DEPDC5: variants seen among roughly 807,000 people sequenced by gnomAD.
The protein encoded by DEPDC5 is DEP domain containing 5, GATOR1 subcomplex subunit, also known as GATOR1 complex protein DEPDC5.
A neutral mutation model predicts 217.3 loss-of-function variants in DEPDC5; 73 were observed. The ratio of observed to expected loss-of-function variants is 0.34; its 90% CI spans 0.28 to 0.41. DEPDC5 has a LOEUF of 0.41. Ranked by LOEUF, DEPDC5 falls within the 10% of genes least tolerant of loss-of-function variation. The probability of loss-of-function intolerance (pLI) is 1.00; values close to 1 mark genes in which losing one functional copy is unlikely to be tolerated. For missense variants in DEPDC5, 1,675 were observed against 2,070.1 expected, an observed-to-expected ratio of 0.81 and a Z score of 3.70; for synonymous variants, 733 against 756.7, an observed-to-expected ratio of 0.97 and a Z score of 0.51.
chr22:31,829,843 G>A (rs1443819974), intron 24 of DEPDC5, among the ~76,000 whole-genome samples: 1 of 152,122 alleles, frequency 6.6e-6, no homozygotes, highest in Non-Finnish European at 1.5e-5. Context: ...TTATCCCTCT[G>A]TATCTTTAAC....
chr22:31,760,671 G>T lies in DEPDC5; in HGVS notation c.162G>T (p.Gln54His), dbSNP rs1329749085. 1.2e-6 allele frequency: 2 copies of T among 1,613,158 alleles called. No homozygotes were observed. Among genetic ancestry groups the T allele is most frequent in the African/African-American group, 2.7e-5 (2 of 74,840 alleles). ...PNDEYSPLLL[Q>H]VKSLKEDLQK... The stretch of plus-strand genomic sequence containing the variant: ...TCTTTTTCAGCCCTCTGCTTTTGCA[G>T]GTCAAGTCTCTTAAGGAAGATTTAC... Residue 54 changes from glutamine (Q) to histidine (H), a missense_variant, in exon 4 of 43, where the codon CAG (glutamine) becomes CAT (histidine). Physicochemically the swap from Gln to His is conservative, Grantham distance 24. Transcript: ENST00000651528.
intron 19 of DEPDC5, 70 bp downstream of exon 19, chr22:31,809,717 C>G: frequency 6.5e-7 from 1 of 1,539,204 alleles, no homozygotes; most frequent in African/African-American, 1.4e-5. Context: ...CAGTGGCTCA[C>G]GCCTATAATC....
chr22:31,801,571 G>A (rs777294804), intron 14 of DEPDC5, among the ~76,000 whole-genome samples: 2 of 152,188 alleles, frequency 1.3e-5, no homozygotes, highest in Non-Finnish European at 2.9e-5. Context: ...AAATGGAGCA[G>A]CCAGGAAAGG....
chr22:31,874,087 TG>T, intron 35 of DEPDC5, 185 bp from the exon 36 acceptor site: 1 of 938,232 alleles, frequency 1.1e-6, no homozygotes, highest in Non-Finnish European at 1.5e-6. Context: ...GCGACCACGC[TG>T]GGCCCCCGGT....
chr22:31,794,502 A>AT (rs1255599875), intron 12 of DEPDC5, among the ~76,000 whole-genome samples: 3 of 152,230 alleles, frequency 2.0e-5, no homozygotes, highest in Admixed American at 2.0e-4. Context: ...AGTTTATGTC[A>AT]TTAAAAAGTC....
chr22:31,854,332 A>G (rs78890978), intron 31 of DEPDC5, among the ~76,000 whole-genome samples: 1 of 152,206 alleles, frequency 6.6e-6, no homozygotes, highest in East Asian at 1.9e-4. Context: ...GACAAATCCA[A>G]GTGGTCACTG....
intron 24 of DEPDC5, among the ~76,000 whole-genome samples, chr22:31,833,213 A>G (rs75590488): frequency 0.034 from 5,252 of 152,318 alleles, 146 homozygotes; most frequent in African/African-American, 0.073. Flanking sequence ...GAATTTTCTG[A>G]TAAATATATG....
chr22:31,827,992 A>G (rs2090285432), intron 24 of DEPDC5, among the ~76,000 whole-genome samples: 2 of 152,094 alleles, frequency 1.3e-5, no homozygotes, highest in African/African-American at 4.8e-5. Flanking sequence ...TCTTGCCTGA[A>G]TTGCCATATT....
At position 31,802,976 on chromosome 22, in the gene DEPDC5, A is replaced by G. The variant is rs780390060; in HGVS notation, c.1081+138A>G. The G allele has an allele frequency of 1.6e-5, 19 of 1,196,984 alleles. No homozygotes were observed. In the African/African-American group the frequency reaches 2.0e-4, roughly 13 times the overall value. The allele number at this position is 1,196,984 out of a possible 1,614,324, so 74.1% of individuals were successfully genotyped here. On this transcript the variant is annotated intron_variant, in intron 15 of 42. Transcript: ENST00000651528. ...TGTGTCACAACGTCTGTGGATGTCA[A>G]TAGGTGTCAGGTGCTAAAATTTCAT...
In DEPDC5 at chr22:31,797,639, A is replaced by G. The variant is rs1037143058; in HGVS notation, c.807A>G (p.Ser269=). 1.2e-6 allele frequency: 2 copies of G among 1,613,876 alleles called. No homozygotes were observed. Among genetic ancestry groups the G allele is most frequent in the Non-Finnish European group, 1.7e-6 (2 of 1,179,798 alleles). ...ATGAGAGAAGAGAAGAATGGACTTC[A>G]CTTCTCGTAACCATTAAAAAACTCT... The part of the protein sequence containing the change: ...VQNERREEWT[S]LLVTIKKLFI... The change falls in exon 13 of 43, where the codon TCA becomes TCG. Residue 269 remains serine (S), a synonymous_variant. Coordinates refer to ENST00000651528, the MANE Select transcript of DEPDC5 (RefSeq NM_001242896.3).
Position 31,846,445 on chromosome 22 carries a change from A to G in DEPDC5, c.3022-389A>G, listed in dbSNP as rs544697037. 2.7e-3 allele frequency among the ~76,000 whole-genome samples: 408 copies of G among 152,264 alleles called. 2 individuals carry two copies. Among genetic ancestry groups the G allele is most frequent in the Middle Eastern group, 6.8e-3 (2 of 294 alleles). On this transcript the variant is annotated intron_variant, in intron 30 of 42. Coordinates refer to ENST00000651528, the MANE Select transcript of DEPDC5 (RefSeq NM_001242896.3). ...ACTTACGATTAGAAACGTGTCTGGG[A>G]GAGCTTGGATAGTGGGAAGAACTTT...
At chr22:31,786,036 G>A (rs552577109) in intron 10 of DEPDC5, among the ~76,000 whole-genome samples, 148 of 152,164 alleles carry the variant, frequency 9.7e-4, no homozygotes, top group African/African-American at 3.4e-3. Context: ...GGAGGCCGAG[G>A]TGGGCGGATC....
At chr22:31,770,206 G>A (rs886262195) in intron 7 of DEPDC5, among the ~76,000 whole-genome samples, 1 of 151,444 alleles carries the variant, frequency 6.6e-6, no homozygotes, top group African/African-American at 2.4e-5. Flanking sequence ...CTGCACTGCA[G>A]CCTGGGTGAC....
intron 24 of DEPDC5, 126 bp downstream of exon 24, chr22:31,822,916 C>A: frequency 2.1e-6 from 2 of 938,502 alleles, no homozygotes; most frequent in Non-Finnish European, 3.3e-6. Context: ...TTTTGGGTGA[C>A]CTATTTAGAA....
intron 27 of DEPDC5, among the ~76,000 whole-genome samples, chr22:31,839,291 G>C (rs1373726174): frequency 1.3e-5 from 2 of 152,158 alleles, no homozygotes; most frequent in East Asian, 3.8e-4. Context: ...ACTGAAGCTT[G>C]GTGGCTTGAA....
intron 38 of DEPDC5, among the ~76,000 whole-genome samples, chr22:31,893,281 T>G (rs1044732386): frequency 1.3e-5 from 2 of 152,168 alleles, no homozygotes; most frequent in Non-Finnish European, 2.9e-5. Context: ...TTTTATAAAG[T>G]TTTATTGGAA....
chr22:31,873,031 A>AG, intron 34 of DEPDC5: 1 of 745,694 alleles, frequency 1.3e-6, no homozygotes, highest in Non-Finnish European at 2.0e-6. Flanking sequence ...CTGGGATTAC[A>AG]GACGTAAGCC....
chr22:31,901,641 G>A lies in DEPDC5; in HGVS notation c.4376-101G>A, dbSNP rs1327280467. 4.0e-6 allele frequency: 4 copies of A among 996,758 alleles called. No homozygotes were observed. The Admixed American group carries it at 8.2e-5, about 20-fold the overall frequency. 61.7% of individuals were successfully genotyped at this position (996,758 alleles called of 1,614,324 possible). On this transcript the variant is annotated intron_variant, in intron 40 of 42. Coordinates refer to ENST00000651528, the MANE Select transcript of DEPDC5 (RefSeq NM_001242896.3). ...GGAGAAGCAGAGGTTAGGCTCAAGG[G>A]GACTGATTGCCAAGAGTAGTAAAGG...
Position 31,766,662 on chromosome 22 carries a change from A to T in DEPDC5, c.357A>T (p.Lys119Asn). ...IGRGDMWRLK[K>N]SLVSTCAYIT... is the part of the protein sequence containing the mutation. Reference sequence around the variant, plus strand: ...GTGGGGATATGTGGCGACTAAAGAAAAGTTTGGTAAGATGTGATTTTTTTT... The same window carrying T: ...GTGGGGATATGTGGCGACTAAAGAATAGTTTGGTAAGATGTGATTTTTTTT... Residue 119 changes from lysine (K) to asparagine (N), a missense_variant, in exon 6 of 43, where the codon AAA becomes AAT. Coordinates refer to ENST00000651528, the MANE Select transcript of DEPDC5 (RefSeq NM_001242896.3). The T allele has an allele frequency of 6.2e-7, 1 of 1,613,182 alleles. No homozygotes were observed. The highest frequency in any genetic ancestry group is 1.1e-5 in the South Asian group (1 of 90,666).
Sources: gnomAD v4.1 joint callset for allele counts (sites outside exome capture counted in the v4.1 genomes callset) on GRCh38, gnomAD v4.1.1 for gene constraint, MANE v1.5 for transcripts, NCBI Gene and HGNC (gene_info 2026-07-23, HGNC 2026-07-21) for gene names.